Variants in TES observed in about 807,000 individuals in gnomAD.
TES encodes the protein testin.
A neutral mutation model predicts 48.2 loss-of-function variants in TES; 41 were observed. The observed-to-expected ratio is 0.85, with a 90% CI of 0.66 to 1.10. TES has a LOEUF of 1.10. Among genes scored for constraint, TES ranks in the 50% least tolerant of loss-of-function variants. The pLI is 0.00. For missense variants in TES, 463 were observed against 515.1 expected, an observed-to-expected ratio of 0.90 and a Z score of 0.98; for synonymous variants, 162 against 174.9, an observed-to-expected ratio of 0.93 and a Z score of 0.58.
chr7:116,217,499 T>C (rs1799507098), intron 1 of TES, among the ~76,000 whole-genome samples: 1 of 152,126 alleles, frequency 6.6e-6, no homozygotes, highest in Non-Finnish European at 1.5e-5. Context: ...AATTATGATT[T>C]TAAAAGAATT....
chr7:116,234,447 G>T, intron 1 of TES, 87 bp from the exon 2 acceptor site: 1 of 1,125,222 alleles, frequency 8.9e-7, no homozygotes, highest in Non-Finnish European at 1.3e-6. Flanking sequence ...CAACACAAGT[G>T]GTAAGTGGAA....
Position 116,210,543 on chromosome 7 carries a change from C to T in TES, c.-165C>T. The T allele has an allele frequency of 6.8e-6, 5 of 734,164 alleles. No individual in the cohort carries two copies. Among genetic ancestry groups the T allele is most frequent in the Non-Finnish European group, 7.6e-6 (4 of 526,702 alleles). 45.5% of individuals were successfully genotyped at this position (734,164 alleles called of 1,614,324 possible). On this transcript the variant is annotated 5_prime_UTR_variant, in exon 1 of 7. Transcript: ENST00000358204. ...CCGGGTCCGGGCCGCAGGCCCGCTG[C>T]GGCGGACTGGGCGGCGGAAGTTCGA...
intron 1 of TES, among the ~76,000 whole-genome samples, chr7:116,229,065 A>G (rs909401975): frequency 1.4e-5 from 2 of 143,686 alleles, no homozygotes; most frequent in Non-Finnish European, 3.0e-5. Flanking sequence ...TAATTCTCAC[A>G]ACATAGATAT....
At chr7:116,224,313 G>A (rs1799594497) in intron 1 of TES, among the ~76,000 whole-genome samples, 1 of 152,172 alleles carries the variant, frequency 6.6e-6, no homozygotes, top group Non-Finnish European at 1.5e-5. Context: ...AAGTTTTGGG[G>A]TAGTTTGCAG....
rs1031001169 is a variant in TES at position 116,249,011 on chromosome 7, A to G, written c.114-9A>G. The G allele has an allele frequency of 3.2e-6, 5 of 1,566,812 alleles. No homozygotes were observed. The highest frequency in any genetic ancestry group is 1.4e-5 in the African/African-American group (1 of 72,496). On this transcript the variant is annotated splice_polypyrimidine_tract_variant and intron_variant, in intron 2 of 6. Transcript: ENST00000358204. ...ATTAATCATTTTCTACTTATTTTCA[A>G]AATTATAGAAAAATATGTCGTAACT...
intron 2 of TES, among the ~76,000 whole-genome samples, chr7:116,237,541 CCTTATTGCATGGTGTT>C (rs1225703146): frequency 1.3e-5 from 2 of 152,172 alleles, no homozygotes; most frequent in Non-Finnish European, 2.9e-5. Context: ...AAATTTTGTG[CCTTATTGCATGGTGTT>C]CTCTGCCTGG....
chr7:116,228,015 T>G (rs568703268), intron 1 of TES, among the ~76,000 whole-genome samples: 3 of 140,580 alleles, frequency 2.1e-5, no homozygotes, highest in East Asian at 2.5e-4. Context: ...TTTGTTTTTT[T>G]TTTTTTGTTT....
chr7:116,229,024 ATATATATAT>A lies in TES; in HGVS notation c.28-5509_28-5501del, dbSNP rs1563007769. On this transcript the variant is annotated intron_variant, in intron 1 of 6. Coordinates refer to ENST00000358204, the MANE Select transcript of TES (RefSeq NM_015641.4). ...TATATATATATATATATATATATAT[ATATATATAT>A]AATCATTTCCTTAATATTTGGTAAT... Among the ~76,000 whole-genome samples the A allele has an allele frequency of 1.0e-3, 137 of 137,092 alleles. 3 individuals carry two copies. Among genetic ancestry groups the A allele is most frequent in the African/African-American group, 2.1e-3 (79 of 37,306 alleles). The allele number at this position is 137,092 out of a possible 152,430, so 89.9% of individuals were successfully genotyped here.
chr7:116,226,725 T>G (rs879718599), intron 1 of TES, among the ~76,000 whole-genome samples: 8 of 152,132 alleles, frequency 5.3e-5, no homozygotes, highest in Admixed American at 3.3e-4. Context: ...AACACTCGAG[T>G]GCAGATGAGG....
chr7:116,222,294 C>G (rs1055559376), intron 1 of TES, among the ~76,000 whole-genome samples: 3 of 152,074 alleles, frequency 2.0e-5, no homozygotes, highest in Non-Finnish European at 2.9e-5. Context: ...TTTGCACCCC[C>G]TTTTCTGTTT....
chr7:116,252,054 CTT>C lies in TES; in HGVS notation c.918+80_918+81del, dbSNP rs1278900885. 2.1e-6 allele frequency: 3 copies of C among 1,403,242 alleles called. No homozygotes were observed. The African/African-American group carries it at 4.3e-5, about 20-fold the overall frequency. 86.9% of individuals were successfully genotyped at this position (1,403,242 alleles called of 1,614,324 possible). On this transcript the variant is annotated intron_variant, in intron 5 of 6. Coordinates refer to ENST00000358204, the MANE Select transcript of TES (RefSeq NM_015641.4). ...TCCCTTTACCTAGAAGGCAACAAGACTTGACCAAACAGCAGTTGCTCTGTTTA... is the reference window on the plus strand; with the variant it reads ...TCCCTTTACCTAGAAGGCAACAAGACGACCAAACAGCAGTTGCTCTGTTTA...
At chr7:116,215,053 C>G (rs1213227639) in intron 1 of TES, among the ~76,000 whole-genome samples, 1 of 152,204 alleles carries the variant, frequency 6.6e-6, no homozygotes, top group Non-Finnish European at 1.5e-5. Flanking sequence ...TATCCTGTTA[C>G]ACTTACGTGG....
chr7:116,251,535 T>G (rs989007893), intron 4 of TES: 3 of 463,836 alleles, frequency 6.5e-6, no homozygotes, highest in African/African-American at 5.9e-5. Context: ...ACAAAAAAAT[T>G]AGCCGGGCGT....
chr7:116,219,730 C>A (rs1437507950), intron 1 of TES, among the ~76,000 whole-genome samples: 1 of 152,148 alleles, frequency 6.6e-6, no homozygotes, highest in Non-Finnish European at 1.5e-5. Flanking sequence ...ACCATTACTT[C>A]AGTCTACCAC....
intron 4 of TES, among the ~76,000 whole-genome samples, chr7:116,251,039 A>G (rs1484030091): frequency 6.6e-6 from 1 of 152,218 alleles, no homozygotes; most frequent in Non-Finnish European, 1.5e-5. Context: ...CATAAGAACT[A>G]AACCTGCTGT....
intron 2 of TES, among the ~76,000 whole-genome samples, chr7:116,240,241 G>T (rs1297315970): frequency 6.6e-6 from 1 of 152,148 alleles, no homozygotes; most frequent in African/African-American, 2.4e-5. Context: ...AAATCACTGT[G>T]AATGCTGGCA....
At position 116,243,975 on chromosome 7, in the gene TES, C is replaced by T. The variant is rs548192689; in HGVS notation, c.114-5045C>T. 4 of 152,284 alleles carry T rather than the reference C, an allele frequency of 2.6e-5. No homozygotes were observed. The East Asian group carries it at 7.7e-4, about 29-fold the overall frequency. 9.4% of individuals were successfully genotyped at this position (152,284 alleles called of 1,614,324 possible). A position where few individuals can be genotyped will look rare whatever the true frequency, so the allele number is the denominator to read the frequency against. On this transcript the variant is annotated intron_variant, in intron 2 of 6. Transcript: ENST00000358204. ...GAAAAGCCCCTTATAAAACCATTAG[C>T]TCTCATGAGAACTCACTCACCATCA...
At chr7:116,223,758 T>A (rs1799585351) in intron 1 of TES, among the ~76,000 whole-genome samples, 1 of 152,188 alleles carries the variant, frequency 6.6e-6, no homozygotes, top group Non-Finnish European at 1.5e-5. Flanking sequence ...ATTTAAATAT[T>A]TGAAATGGGC....
rs1799983320 is a variant in TES, at chr7:116,250,220, G to A, written c.426G>A (p.Gly142=). The change falls in exon 4 of 7, where the codon GGG becomes GGA. Residue 142 remains glycine (G), a synonymous_variant. Transcript: ENST00000358204. ...KEKQPVAGSE[G]AQYRKKQLAK... is the part of the protein sequence containing the mutation. ...AGCAGCCAGTAGCAGGCTCAGAGGG[G>A]GCACAGTACCGGAAGAAGCAGCTGG... 2.5e-6 allele frequency: 4 copies of A among 1,597,324 alleles called. No homozygotes were observed. The highest frequency in any genetic ancestry group is 1.7e-4 in the Middle Eastern group (1 of 5,980).
Sources: gnomAD v4.1 joint callset for allele counts (sites outside exome capture counted in the v4.1 genomes callset) on GRCh38, gnomAD v4.1.1 for gene constraint, MANE v1.5 for transcripts, NCBI Gene and HGNC (gene_info 2026-07-23, HGNC 2026-07-21) for gene names.